Variants in PDK3 observed in about 807,000 individuals in gnomAD.
PDK3 encodes pyruvate dehydrogenase kinase 3, also known as pyruvate dehydrogenase kinase, isozyme 3.
PDK3 carries 12 observed loss-of-function variants against 32.0 expected under a neutral mutation model. The ratio of observed to expected loss-of-function variants is 0.37; its 90% confidence interval spans 0.24 to 0.61. PDK3 has a LOEUF of 0.61. Ranked by LOEUF, PDK3 falls within the 20% of genes least tolerant of loss-of-function variation. PDK3 has a pLI of 0.65. For missense variants in PDK3, 188 were observed against 316.9 expected (o/e 0.59, Z 3.09); for synonymous variants, 122 against 116.3 (o/e 1.05, Z -0.31).
chrX:24,473,396 AAAAC>A (rs1921024258), intron 1 of PDK3, among the ~76,000 whole-genome samples: 1 of 108,901 alleles, frequency 9.2e-6, no homozygotes, highest in Non-Finnish European at 1.9e-5. Flanking sequence ...CAAACAAACA[AAAAC>A]AAAAAAACCA....
intron 5 of PDK3, among the ~76,000 whole-genome samples, chrX:24,516,107 T>C (rs961822615): frequency 8.0e-5 from 9 of 111,949 alleles, no homozygotes; most frequent in Non-Finnish European, 1.7e-4. Flanking sequence ...CTTTGTATTA[T>C]TTTAGGTTAA....
chrX:24,496,397 A>G (rs1307333751), intron 2 of PDK3, among the ~76,000 whole-genome samples: 1 of 109,722 alleles, frequency 9.1e-6, no homozygotes, highest in African/African-American at 3.3e-5. Flanking sequence ...CACGATGTCT[A>G]CATCATGCCC....
At position 24,505,317 on chromosome X, in the gene PDK3, T is replaced by G; in HGVS notation, c.595+19T>G. ...GTGAAAGGTAAGGAGACCGTTGTAATGGTATCGATCGTAGTTCAAATTGGA... is the reference window on the plus strand; with the variant it reads ...GTGAAAGGTAAGGAGACCGTTGTAAGGGTATCGATCGTAGTTCAAATTGGA... On this transcript the variant is annotated intron_variant, in intron 5 of 10. Coordinates refer to ENST00000379162, the MANE Select transcript of PDK3 (RefSeq NM_005391.5). 5 of 1,116,255 alleles carry G rather than the reference T, an allele frequency of 4.5e-6. No homozygotes were observed. The highest frequency in any genetic ancestry group is 6.2e-6 in the Non-Finnish European group (5 of 812,373). 92.0% of individuals were successfully genotyped at this position (1,116,255 alleles called of 1,213,427 possible).
chrX:24,505,230 C>T lies in PDK3; in HGVS notation c.527C>T (p.Thr176Ile). 8.3e-7 allele frequency: 1 copy of T among 1,206,682 alleles called. No homozygotes were observed. The highest frequency in any genetic ancestry group is 1.1e-6 in the Non-Finnish European group (1 of 891,727). ...NQHTLLFGGD[T>I]NPVHPKHIGS... ...CTAGCACTTCTGTTTGGGGGTGACA[C>T]TAATCCTGTTCATCCTAAACACATA... Residue 176 changes from threonine to isoleucine, a missense_variant, in exon 5 of 11, where the codon ACT becomes ATT. By Grantham distance (89) the Thr-to-Ile change is moderately conservative. Transcript: ENST00000379162.
intron 6 of PDK3, 103 bp from the exon 7 acceptor site, chrX:24,526,095 T>C: frequency 1.7e-6 from 1 of 586,532 alleles, no homozygotes; most frequent in Non-Finnish European, 2.8e-6. Flanking sequence ...TAGCCTTTTA[T>C]AGAGCTCTGT....
At chrX:24,474,245 C>G (rs774250608) in intron 1 of PDK3, among the ~76,000 whole-genome samples, 18 of 111,141 alleles carry the variant, frequency 1.6e-4, no homozygotes, top group Non-Finnish European at 3.2e-4. Flanking sequence ...TTTTTGTAAC[C>G]TCTTACAGCT....
intron 5 of PDK3, among the ~76,000 whole-genome samples, chrX:24,506,811 T>C (rs1405910107): frequency 6.6e-5 from 5 of 75,829 alleles, no homozygotes; most frequent in Non-Finnish European, 1.3e-4. Context: ...CTTTTTTTTT[T>C]TTTTTTTTTT....
chrX:24,485,745 A>G (rs1364102653), intron 1 of PDK3, among the ~76,000 whole-genome samples: 2 of 111,736 alleles, frequency 1.8e-5, no homozygotes, highest in Admixed American at 9.5e-5. Context: ...GTGTGGTATT[A>G]GCGCCCACTG....
At chrX:24,537,529 A>T (rs1182632042), downstream of PDK3, among the ~76,000 whole-genome samples, 3 of 110,166 alleles carry the variant, frequency 2.7e-5, no homozygotes, top group African/African-American at 9.9e-5. Context: ...ACAGAGCTAT[A>T]AAATATAGCT....
intron 5 of PDK3, among the ~76,000 whole-genome samples, chrX:24,507,695 T>C (rs1193324286): frequency 8.9e-6 from 1 of 112,464 alleles, no homozygotes; most frequent in Non-Finnish European, 1.9e-5. Context: ...TTATAAAATA[T>C]TTTTTAAAGT....
At chrX:24,486,216 G>A (rs771781915) in intron 1 of PDK3, among the ~76,000 whole-genome samples, 2 of 111,123 alleles carry the variant, frequency 1.8e-5, no homozygotes. Context: ...AAGGCCATGC[G>A]GCTGCTGTCT....
downstream of PDK3, among the ~76,000 whole-genome samples, chrX:24,535,170 C>T (rs1293703522): frequency 8.9e-6 from 1 of 111,825 alleles, no homozygotes; most frequent in Non-Finnish European, 1.9e-5. Context: ...TTAAAATAAT[C>T]CTGTATTAAC....
At chrX:24,519,792 T>G (rs1482915887) in intron 6 of PDK3, among the ~76,000 whole-genome samples, 1 of 112,722 alleles carries the variant, frequency 8.9e-6, no homozygotes, top group East Asian at 2.8e-4. Flanking sequence ...AAAGTGGTAT[T>G]CCCTTTCTAA....
chrX:24,471,018 A>G (rs1920985977), intron 1 of PDK3, among the ~76,000 whole-genome samples: 1 of 110,580 alleles, frequency 9.0e-6, no homozygotes, highest in Admixed American at 9.8e-5. Context: ...ACACATGGAC[A>G]CGGCAAGGGG....
At chrX:24,476,719 C>T (rs1469029356) in intron 1 of PDK3, among the ~76,000 whole-genome samples, 3 of 112,105 alleles carry the variant, frequency 2.7e-5, no homozygotes, top group Non-Finnish European at 5.6e-5. Flanking sequence ...CATTAGGGCT[C>T]ATTCTTTGTG....
At chrX:24,511,480 G>A (rs993708883) in intron 5 of PDK3, among the ~76,000 whole-genome samples, 1 of 111,542 alleles carries the variant, frequency 9.0e-6, no homozygotes, top group African/African-American at 3.3e-5. Flanking sequence ...ATAGTCAGAT[G>A]TCCAGCCCAA....
intron 5 of PDK3, among the ~76,000 whole-genome samples, chrX:24,511,864 A>C (rs1349844834): frequency 9.1e-6 from 1 of 109,339 alleles, no homozygotes; most frequent in Non-Finnish European, 1.9e-5. Context: ...AAAAAAAAAA[A>C]CCACACAAAC....
At chrX:24,538,293 C>G (rs1313329040), downstream of PDK3, among the ~76,000 whole-genome samples, 3 of 111,979 alleles carry the variant, frequency 2.7e-5, no homozygotes, top group East Asian at 5.5e-4. Flanking sequence ...TTTTAAAATG[C>G]TTAGCCTGAC....
Position 24,494,795 on chromosome X carries a change from C to T in PDK3, c.160C>T (p.Pro54Ser), listed in dbSNP as rs1569221445. Residue 54 changes from proline to serine, a missense_variant, in exon 2 of 11, where the codon CCT (proline) becomes TCT (serine). Coordinates refer to ENST00000379162, the MANE Select transcript of PDK3 (RefSeq NM_005391.5). The part of the protein sequence containing the change: ...TSYMFLRKEL[P>S]VRLANTMREV... The stretch of plus-strand genomic sequence containing the variant: ...ATATATGTTTCTACGAAAGGAACTT[C>T]CTGTGCGGCTGGCTAACACAATGAG... The T allele has an allele frequency of 4.2e-6, 5 of 1,196,439 alleles. No homozygotes were observed. Among genetic ancestry groups the T allele is most frequent in the Non-Finnish European group, 5.7e-6 (5 of 883,563 alleles).
Sources: allele counts gnomAD v4.1 joint callset (sites outside exome capture counted in the v4.1 genomes callset), GRCh38; gene constraint gnomAD v4.1.1; transcripts MANE v1.5; gene names NCBI Gene and HGNC (gene_info 2026-07-23, HGNC 2026-07-21).